The following LAMP2 variants were observed in gnomAD, a reference collection of about 807,000 sequenced individuals.
LAMP2 encodes lysosome associated membrane protein 2.
A neutral mutation model predicts 25.6 loss-of-function variants in LAMP2; 4 were observed. The ratio of observed to expected loss-of-function variants is 0.16; its 90% CI spans 0.08 to 0.36. The LOEUF is 0.36. LAMP2 is among the 10% of genes least tolerant of loss of function. The pLI is 1.00. For missense variants in LAMP2, 272 were observed against 301.4 expected (o/e 0.90, Z 0.72); for synonymous variants, 108 against 112.7 (o/e 0.96, Z 0.27).
intron 1 of LAMP2, among the ~76,000 whole-genome samples, chrX:120,460,738 G>A (rs1921280683): frequency 8.9e-6 from 1 of 111,869 alleles, no homozygotes; most frequent in Non-Finnish European, 1.9e-5. Context: ...ATCACTTGAG[G>A]TCAGGAGTTC....
At position 120,448,971 on chromosome X, in the gene LAMP2, A is replaced by C; in HGVS notation, c.555T>G (p.Asn185Lys). Residue 185 changes from asparagine to lysine, a missense_variant and splice_region_variant, in exon 4 of 9, where the codon AAT becomes AAG. Asn to Lys is a moderately conservative substitution (Grantham distance 94, BLOSUM62 0). Transcript: ENST00000200639. ...TAGAGAAATATATACTTTACTCACC[A>C]TTTGTGCTCACTGTGCCATTTTGGA... ...AFVQNGTVST[N>K]EFLCDKDKTS... 8.3e-7 allele frequency: 1 copy of C among 1,206,444 alleles called. No homozygotes were observed. Among genetic ancestry groups the C allele is most frequent in the Non-Finnish European group, 1.1e-6 (1 of 890,705 alleles).
At chrX:120,452,550 CTTTTCTTTTTT>C (rs1175636493) in intron 3 of LAMP2, among the ~76,000 whole-genome samples, 1 of 102,452 alleles carries the variant, frequency 9.8e-6, no homozygotes, top group Non-Finnish European at 2.0e-5. Flanking sequence ...TTTTCTTTTT[CTTTTCTTTTTT>C]TTTTGAGACA....
At chrX:120,446,191 G>A (rs982593577) in intron 6 of LAMP2, 114 bp downstream of exon 6, 1 of 658,295 alleles carries the variant, frequency 1.5e-6, no homozygotes, top group Non-Finnish European at 2.5e-6. Flanking sequence ...TTATAATTGA[G>A]TACTGTAGAA....
intron 4 of LAMP2, 59 bp from the exon 5 acceptor site, chrX:120,448,084 G>T: frequency 8.9e-7 from 1 of 1,125,839 alleles, no homozygotes; most frequent in East Asian, 3.0e-5. Context: ...AATTCATAAG[G>T]CCAGGGAAAA....
At chrX:120,453,165 CA>C (rs1338831213) in intron 3 of LAMP2, among the ~76,000 whole-genome samples, 1 of 111,574 alleles carries the variant, frequency 9.0e-6, no homozygotes, top group Non-Finnish European at 1.9e-5. Context: ...AAAGGCAAAA[CA>C]GGGCACAAAG....
chrX:120,438,692 TCACACA>T (rs67522937), intron 8 of LAMP2: 66,419 of 641,249 alleles, frequency 0.1, 911 homozygotes, highest in Non-Finnish European at 0.11. Flanking sequence ...CAAACAAAAA[TCACACA>T]CACACACACA....
Position 120,430,480 on chromosome X carries a change from T to C in LAMP2, c.*843A>G, listed in dbSNP as rs1175004894. ...GATGAGGTAGAGAAACACAACACAATCTGTCCTAATTAGTTCATAGAATAT... is the reference window on the plus strand; with the variant it reads ...GATGAGGTAGAGAAACACAACACAACCTGTCCTAATTAGTTCATAGAATAT... On this transcript the variant is annotated 3_prime_UTR_variant, in exon 9 of 9. Coordinates refer to ENST00000200639, the MANE Select transcript of LAMP2 (RefSeq NM_002294.3). 1 of 751,088 alleles carries C rather than the reference T, an allele frequency of 1.3e-6. No individual in the cohort carries two copies. The highest frequency in any genetic ancestry group is 1.6e-6 in the Non-Finnish European group (1 of 636,178). 61.9% of individuals were successfully genotyped at this position (751,088 alleles called of 1,213,427 possible). A position where few individuals can be genotyped will look rare whatever the true frequency, so the allele number is the denominator to read the frequency against.
chrX:120,453,710 A>C (rs1167690956), intron 3 of LAMP2, among the ~76,000 whole-genome samples: 1 of 112,025 alleles, frequency 8.9e-6, no homozygotes, highest in Non-Finnish European at 1.9e-5. Flanking sequence ...CAGGAGGCTG[A>C]GGCAGGAGAA....
At chrX:120,448,324 A>G (rs191151853) in intron 4 of LAMP2, among the ~76,000 whole-genome samples, 7 of 112,194 alleles carry the variant, frequency 6.2e-5, no homozygotes, top group African/African-American at 2.3e-4. Context: ...TTTTATTCCC[A>G]AAGAACTTTG....
chrX:120,429,706 G>A lies in LAMP2; in HGVS notation c.*1617C>T, dbSNP rs141881232. 3.1e-3 allele frequency: 2,323 copies of A among 751,329 alleles called. 40 individuals carry two copies. The African/African-American group carries it at 0.05, about 16-fold the overall frequency. The allele number at this position is 751,329 out of a possible 1,213,427, so 61.9% of individuals were successfully genotyped here. ...TAATTTCAAGTGTAAACCAGCTGTT[G>A]TTTTACTGTTGAGTGACTAGATTTC... is the stretch of plus-strand genomic sequence containing the variant. On this transcript the variant is annotated 3_prime_UTR_variant, in exon 9 of 9. Coordinates refer to ENST00000200639, the MANE Select transcript of LAMP2 (RefSeq NM_002294.3).
At chrX:120,432,615 G>T (rs1157075458) in intron 8 of LAMP2, among the ~76,000 whole-genome samples, 1 of 111,573 alleles carries the variant, frequency 9.0e-6, no homozygotes, top group Admixed American at 9.6e-5. Context: ...GATGTAGGGG[G>T]TGTACGAGGA....
intron 8 of LAMP2, chrX:120,437,104 A>T (rs1056950878): frequency 3.1e-5 from 23 of 747,835 alleles, no homozygotes; most frequent in Non-Finnish European, 3.6e-5. Flanking sequence ...AATCCCTAAG[A>T]AGTGTTTTAA....
At chrX:120,441,647 C>T (rs1569367936) in intron 8 of LAMP2, 83 bp downstream of exon 8, 9 of 813,662 alleles carry the variant, frequency 1.1e-5, no homozygotes, top group South Asian at 1.1e-4. Context: ...TCTATTTCAA[C>T]GTTTAAATGT....
chrX:120,440,632 A>G (rs1469042461), intron 8 of LAMP2, among the ~76,000 whole-genome samples: 2 of 112,318 alleles, frequency 1.8e-5, no homozygotes, highest in Admixed American at 9.5e-5. Flanking sequence ...AAGTGATGAT[A>G]CTAATACTGC....
chrX:120,439,341 AG>A, intron 8 of LAMP2: 1 of 1,120,864 alleles, frequency 8.9e-7, no homozygotes, highest in Non-Finnish European at 1.2e-6. Flanking sequence ...TAATCACAAA[AG>A]AATGTCTCGA....
chrX:120,464,889 C>A (rs1468909817), intron 1 of LAMP2, among the ~76,000 whole-genome samples: 4 of 111,257 alleles, frequency 3.6e-5, no homozygotes, highest in Non-Finnish European at 7.5e-5. Flanking sequence ...GTAGCTGGGA[C>A]TACAGGTGCT....
intron 1 of LAMP2, among the ~76,000 whole-genome samples, chrX:120,462,828 T>C (rs1367864322): frequency 8.9e-6 from 1 of 112,148 alleles, no homozygotes; most frequent in Admixed American, 9.5e-5. Flanking sequence ...CTGTGAGACT[T>C]TGGGCAAGTT....
intron 1 of LAMP2, among the ~76,000 whole-genome samples, chrX:120,468,882 C>G (rs892014262): frequency 1.8e-5 from 2 of 111,620 alleles, no homozygotes; most frequent in Non-Finnish European, 3.8e-5. Flanking sequence ...GTCCACCCCC[C>G]GTTACCGGCC....
chrX:120,447,131 C>T (rs978640268), intron 5 of LAMP2, among the ~76,000 whole-genome samples: 2 of 112,356 alleles, frequency 1.8e-5, no homozygotes, highest in African/African-American at 6.5e-5. Context: ...TCAGGCTGGG[C>T]GCGGTGGCTC....
Sources: allele counts gnomAD v4.1 joint callset (sites outside exome capture counted in the v4.1 genomes callset), GRCh38; gene constraint gnomAD v4.1.1; transcripts MANE v1.5; gene names NCBI Gene and HGNC (gene_info 2026-07-23, HGNC 2026-07-21).